AGAP1: variants seen among roughly 807,000 people sequenced by gnomAD.
The protein encoded by AGAP1 is ArfGAP with GTPase domain, ankyrin repeat and PH domain 1.
AGAP1 carries 29 observed loss-of-function variants against 105.3 expected under a neutral mutation model. That is an observed-to-expected ratio of 0.28 (90% CI 0.21 to 0.38). AGAP1 has a LOEUF of 0.38. Among genes scored for constraint, AGAP1 ranks in the 10% least tolerant of loss-of-function variants. AGAP1 has a pLI of 1.00. For synonymous variants in AGAP1, 509 were observed against 485.9 expected (o/e 1.05, Z -0.63); for missense variants, 998 against 1,165.1 (o/e 0.86, Z 2.09).
Position 235,586,302 on chromosome 2 carries a change from C to T in AGAP1, c.163+91453C>T, listed in dbSNP as rs1339766228. On this transcript the variant is annotated intron_variant, in intron 1 of 17. Coordinates refer to ENST00000304032, the MANE Select transcript of AGAP1 (RefSeq NM_001037131.3). The surrounding 1 kb of genome is among the most constrained non-coding windows in gnomAD (Gnocchi z 4.2). ...CCACTGACCAGACCACCCACTTTGC[C>T]CTCTGCACGCTCACTCCACGAAGGA... Among the ~76,000 whole-genome samples the T allele has an allele frequency of 2.0e-5, 3 of 152,154 alleles. No individual in the cohort carries two copies. Among genetic ancestry groups the T allele is most frequent in the Non-Finnish European group, 2.9e-5 (2 of 68,028 alleles).
In AGAP1 at chr2:235,639,570, C is replaced by G. The variant is rs186853658; in HGVS notation, c.164-69609C>G. On this transcript the variant is annotated intron_variant, in intron 1 of 17. Coordinates refer to ENST00000304032, the MANE Select transcript of AGAP1 (RefSeq NM_001037131.3). This position sits in a 1 kb window ranked among gnomAD's most constrained non-coding sequence, Gnocchi z 5.3. Reference sequence around the variant, plus strand: ...ATCTCATGGTGGGTGGGACTTGTCGCCGTCATGCACTCAGCACTCTCTGGC... The same window carrying G: ...ATCTCATGGTGGGTGGGACTTGTCGGCGTCATGCACTCAGCACTCTCTGGC... Among the ~76,000 whole-genome samples, 36 of 152,268 alleles carry G rather than the reference C, an allele frequency of 2.4e-4. 1 individual carries two copies. In the East Asian group the frequency reaches 7.0e-3, roughly 29 times the overall value.
At position 236,049,215 on chromosome 2, in the gene AGAP1, A is replaced by C. The variant is rs2057820891; in HGVS notation, c.2048A>C (p.Glu683Ala). The C allele has an allele frequency of 6.2e-7, 1 of 1,614,202 alleles. No individual in the cohort carries two copies. Among genetic ancestry groups the C allele is most frequent in the Non-Finnish European group, 8.5e-7 (1 of 1,180,042 alleles). Residue 683 changes from glutamate to alanine, a missense_variant, in exon 16 of 18, where the codon GAG (glutamate) becomes GCG (alanine). By Grantham distance (107) the Glu-to-Ala change is moderately radical. This residue lies in a region of AGAP1 where 235 missense variants were observed against 270.7 expected (regional missense o/e 0.87). Coordinates refer to ENST00000304032, the MANE Select transcript of AGAP1 (RefSeq NM_001037131.3). Reference protein sequence around the residue: ...LIKVMSSIGNELANSVWEESS... With the variant: ...LIKVMSSIGNALANSVWEESS... Reference sequence around the variant, plus strand: ...AAGGTGATGTCATCCATCGGGAACGAGCTAGCCAACAGCGTCTGGGAAGAG... The same window carrying C: ...AAGGTGATGTCATCCATCGGGAACGCGCTAGCCAACAGCGTCTGGGAAGAG...
chr2:235,970,832 G>T lies in AGAP1; in HGVS notation c.1645+2209G>T, dbSNP rs1422022090. ...ACCACGTTGGACGCCTGATGTTTCA[G>T]GTCCACTTGCTGAGTGAGTGGGATG... On this transcript the variant is annotated intron_variant, in intron 13 of 17. Transcript: ENST00000304032. The surrounding 1 kb of genome is among the most constrained non-coding windows in gnomAD (Gnocchi z 5.4). Among the ~76,000 whole-genome samples, 2 of 152,216 alleles carry T rather than the reference G, an allele frequency of 1.3e-5. No individual in the cohort carries two copies. The highest frequency in any genetic ancestry group is 2.9e-5 in the Non-Finnish European group (2 of 68,048).
rs140388049 is a variant in AGAP1, at chr2:235,859,055, C to T, written c.1051-24290C>T. Among the ~76,000 whole-genome samples, 600 of 152,240 alleles carry T rather than the reference C, an allele frequency of 3.9e-3. 2 individuals are homozygous for T. Among genetic ancestry groups the T allele is most frequent in the South Asian group, 0.013 (65 of 4,828 alleles). ...TTAGCACAGCATGAAGCAAGGGGAA[C>T]CCTTTGTACTGGTGCCGGGCACTAA... On this transcript the variant is annotated intron_variant, in intron 9 of 17. Coordinates refer to ENST00000304032, the MANE Select transcript of AGAP1 (RefSeq NM_001037131.3).
rs1358033840 is a variant in AGAP1, at chr2:235,700,294, G to C, written c.164-8885G>C. On this transcript the variant is annotated intron_variant, in intron 1 of 17. Coordinates refer to ENST00000304032, the MANE Select transcript of AGAP1 (RefSeq NM_001037131.3). The surrounding 1 kb of genome is among the most constrained non-coding windows in gnomAD (Gnocchi z 6.1). ...CTGTGCTCCACTCCTCAAGGCTGTA[G>C]GTGGGCCTCTGTTTTCACATTTTAA... Among the ~76,000 whole-genome samples, 1 of 152,174 alleles carries C rather than the reference G, an allele frequency of 6.6e-6. No individual in the cohort carries two copies. Among genetic ancestry groups the C allele is most frequent in the Non-Finnish European group, 1.5e-5 (1 of 68,014 alleles).
intron 9 of AGAP1, among the ~76,000 whole-genome samples, chr2:235,859,865 G>T (rs200653224): frequency 6.6e-6 from 1 of 152,178 alleles, no homozygotes; most frequent in South Asian, 2.1e-4. Context: ...GCAACAAACA[G>T]CTCTGATTCT....
intron 1 of AGAP1, among the ~76,000 whole-genome samples, chr2:235,624,694 G>T (rs750921366): frequency 3.3e-5 from 5 of 152,112 alleles, no homozygotes; most frequent in Admixed American, 6.5e-5. Context: ...ATCATTGCAG[G>T]TGATAGGGTT....
rs1029340611 is a variant in AGAP1 at position 235,741,433 on chromosome 2, G to C, written c.396+385G>C. ...TAGAGCAGTGAGAGTTAGAGAGCTT[G>C]CTGGGTGCAATTGGGAGTCCCACCT... On this transcript the variant is annotated intron_variant, in intron 4 of 17. Coordinates refer to ENST00000304032, the MANE Select transcript of AGAP1 (RefSeq NM_001037131.3). This position sits in a 1 kb window ranked among gnomAD's most constrained non-coding sequence, Gnocchi z 4.9. Among the ~76,000 whole-genome samples, 2 of 152,134 alleles carry C rather than the reference G, an allele frequency of 1.3e-5. No individual in the cohort carries two copies. Among genetic ancestry groups the C allele is most frequent in the Admixed American group, 6.5e-5 (1 of 15,280 alleles).
In AGAP1 at chr2:235,934,089, A is replaced by C. The variant is rs190734508; in HGVS notation, c.1483+3166A>C. ...GCCCGATTCAGCTCTCCATCACTGCATGTCAAGGTGTGCCTCCAGGAGCAG... is the reference window on the plus strand; with the variant it reads ...GCCCGATTCAGCTCTCCATCACTGCCTGTCAAGGTGTGCCTCCAGGAGCAG... On this transcript the variant is annotated intron_variant, in intron 12 of 17. Coordinates refer to ENST00000304032, the MANE Select transcript of AGAP1 (RefSeq NM_001037131.3). This position sits in a 1 kb window ranked among gnomAD's most constrained non-coding sequence, Gnocchi z 4.9. Among the ~76,000 whole-genome samples the C allele has an allele frequency of 4.1e-3, 624 of 152,262 alleles. 4 individuals are homozygous for C. The highest frequency in any genetic ancestry group is 0.015 in the African/African-American group (614 of 41,546).
chr2:235,908,786 A>G lies in AGAP1; in HGVS notation c.1204A>G (p.Thr402Ala), dbSNP rs1309676381. The G allele has an allele frequency of 6.2e-7, 1 of 1,613,784 alleles. No individual in the cohort carries two copies. The highest frequency in any genetic ancestry group is 8.5e-7 in the Non-Finnish European group (1 of 1,179,954). ...HGKEIDLLRTTVKVPGKRPPR... is the reference protein window; with the variant it reads ...HGKEIDLLRTAVKVPGKRPPR... ...TAAGGAGATTGACCTTCTGAGAACCACTGTGAAAGTCCCAGGGAAGAGGCC... is the reference window on the plus strand; with the variant it reads ...TAAGGAGATTGACCTTCTGAGAACCGCTGTGAAAGTCCCAGGGAAGAGGCC... The change falls in exon 11 of 18, where the codon ACT becomes GCT. Residue 402 changes from threonine (T) to alanine (A), a missense_variant. Physicochemically the swap from Thr to Ala is moderately conservative, Grantham distance 58. Around this residue, in one of 3 missense-constraint regions of AGAP1, gnomAD observed 735 missense variants for 833.4 expected, o/e 0.88. Transcript: ENST00000304032. The surrounding 1 kb of genome is among the most constrained non-coding windows in gnomAD (Gnocchi z 4.4).
At chr2:236,111,638 A>G (rs551595884) in intron 16 of AGAP1, among the ~76,000 whole-genome samples, 1 of 152,076 alleles carries the variant, frequency 6.6e-6, no homozygotes, top group South Asian at 2.1e-4. Flanking sequence ...AAAAAGTACA[A>G]AAAATTAGCC....
In AGAP1 at chr2:235,690,690, G is replaced by A. The variant is rs1443533794; in HGVS notation, c.164-18489G>A. ...TGAATGTGTTTGAAGGAGCTCTTTG[G>A]AAAGAGGTGCAGGCTTCCGGCTATT... is the stretch of plus-strand genomic sequence containing the variant. On this transcript the variant is annotated intron_variant, in intron 1 of 17. Transcript: ENST00000304032. This position sits in a 1 kb window ranked among gnomAD's most constrained non-coding sequence, Gnocchi z 4.1. Among the ~76,000 whole-genome samples the A allele has an allele frequency of 1.3e-5, 2 of 152,198 alleles. No individual in the cohort carries two copies. The highest frequency in any genetic ancestry group is 2.9e-5 in the Non-Finnish European group (2 of 68,036).
rs144232632 is a variant in AGAP1, at chr2:235,777,612, G to C, written c.674-20147G>C. On this transcript the variant is annotated intron_variant, in intron 6 of 17. Coordinates refer to ENST00000304032, the MANE Select transcript of AGAP1 (RefSeq NM_001037131.3). This position sits in a 1 kb window ranked among gnomAD's most constrained non-coding sequence, Gnocchi z 5.1. ...CTGTCTCACCTGCACCCCTCCAATCGCCTTCTCAGAATCCGACGCTGGTCC... is the reference window on the plus strand; with the variant it reads ...CTGTCTCACCTGCACCCCTCCAATCCCCTTCTCAGAATCCGACGCTGGTCC... Among the ~76,000 whole-genome samples the C allele has an allele frequency of 1.3e-5, 2 of 152,084 alleles. No individual in the cohort carries two copies. The highest frequency in any genetic ancestry group is 2.9e-5 in the Non-Finnish European group (2 of 68,026).
intron 6 of AGAP1, among the ~76,000 whole-genome samples, chr2:235,772,136 A>G (rs1443233269): frequency 1.3e-5 from 2 of 150,866 alleles, no homozygotes; most frequent in African/African-American, 4.9e-5. Flanking sequence ...CTGAGATTAC[A>G]TTAATTAACC....
At chr2:235,800,277 T>G (rs1559502961) in intron 8 of AGAP1, among the ~76,000 whole-genome samples, 1 of 151,810 alleles carries the variant, frequency 6.6e-6, no homozygotes, top group Non-Finnish European at 1.5e-5. Flanking sequence ...TTTTTTTTTT[T>G]TTTTAAAGAA....
rs1307266751 is a variant in AGAP1 at position 235,927,265 on chromosome 2, G to A, written c.1325-3500G>A. On this transcript the variant is annotated intron_variant, in intron 11 of 17. Transcript: ENST00000304032. The surrounding 1 kb of genome is among the most constrained non-coding windows in gnomAD (Gnocchi z 4.4). ...TTCCATCTGGACACCAGGAGCATGT[G>A]GTCTTGCCAGGAGGTTCGTCACCCC... Among the ~76,000 whole-genome samples the A allele has an allele frequency of 1.3e-5, 2 of 152,144 alleles. No individual in the cohort carries two copies. Among genetic ancestry groups the A allele is most frequent in the African/African-American group, 4.8e-5 (2 of 41,420 alleles).
intron 13 of AGAP1, among the ~76,000 whole-genome samples, chr2:235,986,131 CTCTCT>C (rs751968887): frequency 6.6e-6 from 1 of 151,824 alleles, no homozygotes; most frequent in African/African-American, 2.4e-5. Context: ...TTTTTGTGTC[CTCTCT>C]TATTTCCTTG....
intron 11 of AGAP1, among the ~76,000 whole-genome samples, chr2:235,926,713 G>A (rs2052464969): frequency 6.6e-6 from 1 of 152,200 alleles, no homozygotes; most frequent in Non-Finnish European, 1.5e-5. Flanking sequence ...TTTTGCTTAT[G>A]GAATGAGCCT....
At chr2:236,100,281 G>C (rs143611072) in intron 16 of AGAP1, among the ~76,000 whole-genome samples, 2 of 152,102 alleles carry the variant, frequency 1.3e-5, no homozygotes, top group African/African-American at 4.8e-5. Context: ...ACTCTGTGTC[G>C]ATGGTAGAAA....
Sources: allele counts gnomAD v4.1 joint callset (sites outside exome capture counted in the v4.1 genomes callset), GRCh38; gene constraint gnomAD v4.1.1; regional missense constraint gnomAD v4.1.1; non-coding constraint Gnocchi (gnomAD v3.1); transcripts MANE v1.5; gene names NCBI Gene and HGNC (gene_info 2026-07-23, HGNC 2026-07-21).